Variants in DPP6 observed in about 807,000 individuals in gnomAD.
The protein encoded by DPP6 is A-type potassium channel modulatory protein DPP6.
Under a neutral mutation model 122.6 loss-of-function variants are expected in DPP6, and 69 were observed. The ratio of observed to expected loss-of-function variants is 0.56; its 90% CI spans 0.46 to 0.69. The LOEUF (loss-of-function observed/expected upper bound fraction) is 0.69, where lower values mean the gene tolerates loss of function less well. Ranked by LOEUF, DPP6 falls within the 30% of genes least tolerant of loss-of-function variation. The probability of loss-of-function intolerance (pLI) is 0.00; values close to 1 mark genes in which losing one functional copy is unlikely to be tolerated. For synonymous variants in DPP6, 418 were observed against 433.1 expected (o/e 0.97, Z 0.43); for missense variants, 928 against 1,116.9 (o/e 0.83, Z 2.41).
At chr7:154,352,313 A>G (rs1442311626) in intron 1 of DPP6, among the ~76,000 whole-genome samples, 1 of 151,948 alleles carries the variant, frequency 6.6e-6, no homozygotes, top group Non-Finnish European at 1.5e-5. Context: ...AATACAAAAA[A>G]TTAGCCAGGA....
At chr7:154,363,832 T>C (rs1811934782) in intron 1 of DPP6, among the ~76,000 whole-genome samples, 1 of 152,234 alleles carries the variant, frequency 6.6e-6, no homozygotes, top group African/African-American at 2.4e-5. Context: ...TTTATTTTCA[T>C]CTGTTACATG....
At chr7:154,168,392 C>T (rs898936469) in intron 1 of DPP6, among the ~76,000 whole-genome samples, 2 of 152,154 alleles carry the variant, frequency 1.3e-5, no homozygotes, top group Non-Finnish European at 2.9e-5. Context: ...TACTGGCCTA[C>T]CCTGCATGGA....
At chr7:154,203,733 T>C (rs888319165) in intron 1 of DPP6, among the ~76,000 whole-genome samples, 16 of 152,192 alleles carry the variant, frequency 1.1e-4, no homozygotes, top group Admixed American at 7.9e-4. Context: ...TCTCTTCTGA[T>C]CTGTGAGGCC....
At chr7:154,061,723 G>C (rs542717820) in intron 1 of DPP6, among the ~76,000 whole-genome samples, 1,284 of 72,716 alleles carry the variant, frequency 0.018, 7 homozygotes, top group East Asian at 0.099. Flanking sequence ...CCCGCGAGGC[G>C]GGGACTGCGA....
intron 5 of DPP6, among the ~76,000 whole-genome samples, chr7:154,596,830 A>G (rs1014684316): frequency 3.3e-5 from 5 of 152,246 alleles, no homozygotes; most frequent in African/African-American, 4.8e-5. Flanking sequence ...TCTATTTGAG[A>G]TAAAATCCAT....
chr7:154,425,615 T>TGG (rs1563648520), intron 1 of DPP6, among the ~76,000 whole-genome samples: 3 of 106,184 alleles, frequency 2.8e-5, no homozygotes, highest in Admixed American at 8.6e-5. Context: ...TGTGTGTGTG[T>TGG]GTGTGGGTGT....
chr7:154,754,653 G>A (rs1336147872), intron 8 of DPP6, among the ~76,000 whole-genome samples: 16 of 152,184 alleles, frequency 1.1e-4, no homozygotes, highest in Non-Finnish European at 1.5e-5. Flanking sequence ...TTTTGAAATT[G>A]AACATGTGAA....
At position 154,149,873 on chromosome 7, in the gene DPP6, G is replaced by A. The variant is rs1233555424; in HGVS notation, c.243+96810G>A. ...TCCAGTGGTACCCTCCCCCGCCCCC[G>A]GCATGGGCAGCTCAGACCACCGGGA... On this transcript the variant is annotated intron_variant, in intron 1 of 25. Transcript: ENST00000377770. Among the ~76,000 whole-genome samples, 8 of 152,076 alleles carry A rather than the reference G, an allele frequency of 5.3e-5. No homozygotes were observed. The South Asian group carries it at 6.3e-4, about 12-fold the overall frequency.
intron 5 of DPP6, among the ~76,000 whole-genome samples, chr7:154,628,262 T>C (rs1280067818): frequency 6.6e-6 from 1 of 152,240 alleles, no homozygotes; most frequent in Non-Finnish European, 1.5e-5. Flanking sequence ...TATTTCCTTC[T>C]AATGTGTACT....
chr7:153,772,509 T>G, the DPP6 span, among the ~76,000 whole-genome samples: 1 of 150,732 alleles, frequency 6.6e-6, no homozygotes, highest in East Asian at 1.9e-4. Flanking sequence ...AGAGATAAAA[T>G]GAAACAATGA....
chr7:154,561,085 A>G (rs1223682723), intron 4 of DPP6, among the ~76,000 whole-genome samples: 1 of 152,230 alleles, frequency 6.6e-6, no homozygotes, highest in Non-Finnish European at 1.5e-5. Flanking sequence ...TGCAGCTAGC[A>G]TTGAGCTACA....
chr7:154,518,018 C>A lies in DPP6; in HGVS notation c.458-22514C>A, dbSNP rs572150536. Reference sequence around the variant, plus strand: ...TCAGCTAACAGGACAGAACTCATTACTGACTGAAGATTGCTACGATGCCTT... The same window carrying A: ...TCAGCTAACAGGACAGAACTCATTAATGACTGAAGATTGCTACGATGCCTT... On this transcript the variant is annotated intron_variant, in intron 3 of 25. Coordinates refer to ENST00000377770, the MANE Select transcript of DPP6 (RefSeq NM_130797.4). 4.6e-5 allele frequency among the ~76,000 whole-genome samples: 7 copies of A among 152,256 alleles called. No individual in the cohort carries two copies. In the East Asian group the frequency reaches 1.4e-3, roughly 29 times the overall value.
intron 7 of DPP6, among the ~76,000 whole-genome samples, chr7:154,724,585 C>G (rs1841975783): frequency 6.6e-6 from 1 of 152,182 alleles, no homozygotes; most frequent in Non-Finnish European, 1.5e-5. Context: ...ACTCACACCT[C>G]TGTCAGGGGC....
intron 1 of DPP6, among the ~76,000 whole-genome samples, chr7:154,372,171 C>A (rs1410818159): frequency 6.6e-6 from 1 of 152,124 alleles, no homozygotes; most frequent in African/African-American, 2.4e-5. Flanking sequence ...GTTGTCGGAT[C>A]ACATTCTCCA....
At chr7:154,708,701 A>G (rs1165551299) in intron 7 of DPP6, among the ~76,000 whole-genome samples, 2 of 152,234 alleles carry the variant, frequency 1.3e-5, no homozygotes, top group Non-Finnish European at 1.5e-5. Context: ...TAAGGGATTA[A>G]TTAAATAAAC....
At chr7:154,866,367 G>T (rs761247995) in intron 17 of DPP6, among the ~76,000 whole-genome samples, 1 of 152,216 alleles carries the variant, frequency 6.6e-6, no homozygotes, top group Non-Finnish European at 1.5e-5. Flanking sequence ...GAGTGCTGCC[G>T]CCCATCCATT....
At chr7:154,105,257 G>A (rs543470591) in intron 1 of DPP6, among the ~76,000 whole-genome samples, 1 of 152,212 alleles carries the variant, frequency 6.6e-6, no homozygotes, top group Non-Finnish European at 1.5e-5. Context: ...AGGTGATGCT[G>A]TGTTCCTTCT....
intron 7 of DPP6, among the ~76,000 whole-genome samples, chr7:154,682,413 G>A (rs759779946): frequency 2.6e-5 from 4 of 152,190 alleles, no homozygotes; most frequent in African/African-American, 7.2e-5. Context: ...CGAGGTGATC[G>A]TCTCCGCAGT....
chr7:153,951,981 T>C lies in DPP6; in HGVS notation c.51+64247T>C, dbSNP rs549327677. ...TCACATGAACCCGGGAAGCGGAGGT[T>C]GCAGTGAGCCGAGATCGTGCCACTG... On this transcript the variant is annotated intron_variant, in intron 1 of 25. Coordinates refer to the DPP6 transcript ENST00000404039. Among the ~76,000 whole-genome samples, 26 of 152,278 alleles carry C rather than the reference T, an allele frequency of 1.7e-4. 1 individual carries two copies. In the South Asian group the frequency reaches 5.4e-3, roughly 32 times the overall value.
Sources: gnomAD v4.1 joint callset for allele counts (sites outside exome capture counted in the v4.1 genomes callset) on GRCh38, gnomAD v4.1.1 for gene constraint, MANE v1.5 for transcripts, NCBI Gene and HGNC (gene_info 2026-07-23, HGNC 2026-07-21) for gene names.